Variants in PAPSS1 observed in about 807,000 individuals in gnomAD.
The protein encoded by PAPSS1 is 3'-phosphoadenosine 5'-phosphosulfate synthase 1, also known as bifunctional 3'-phosphoadenosine 5'-phosphosulfate synthase 1.
A neutral mutation model predicts 72.0 loss-of-function variants in PAPSS1; 50 were observed. The observed-to-expected ratio is 0.69, with a 90% CI of 0.55 to 0.88. The LOEUF (loss-of-function observed/expected upper bound fraction) is 0.88, where lower values mean the gene tolerates loss of function less well. Ranked by LOEUF, PAPSS1 falls within the 40% of genes least tolerant of loss-of-function variation. The pLI is 0.00. For missense variants in PAPSS1, 657 were observed against 782.2 expected (o/e 0.84, Z 1.91); for synonymous variants, 261 against 263.6 (o/e 0.99, Z 0.09).
intron 1 of PAPSS1, among the ~76,000 whole-genome samples, chr4:107,710,854 G>A (rs1723474065): frequency 6.6e-6 from 1 of 152,226 alleles, no homozygotes; most frequent in Non-Finnish European, 1.5e-5. Flanking sequence ...TACAATGTCA[G>A]CAGGGCAATT....
At position 107,701,015 on chromosome 4, in the gene PAPSS1, AT is replaced by A. The variant is rs535518683; in HGVS notation, c.175+155del. 3.7e-4 allele frequency among the ~76,000 whole-genome samples: 57 copies of A among 152,300 alleles called. No individual in the cohort carries two copies. The East Asian group carries it at 4.8e-3, about 13-fold the overall frequency. Reference sequence around the variant, plus strand: ...ATCCTATAAAAGAACAAAAAAAAAAATAACAAGAAATATTATTAAGCAACTA... The same window carrying A: ...ATCCTATAAAAGAACAAAAAAAAAAAAACAAGAAATATTATTAAGCAACTA... On this transcript the variant is annotated intron_variant, in intron 2 of 11. Transcript: ENST00000265174.
chr4:107,687,199 A>C (rs779269164), intron 3 of PAPSS1, 22 bp from the exon 4 acceptor site: 2 of 1,534,092 alleles, frequency 1.3e-6, no homozygotes, highest in Non-Finnish European at 1.7e-6. Context: ...ATAAAATAAA[A>C]AGTGATCACA....
intron 11 of PAPSS1, among the ~76,000 whole-genome samples, chr4:107,618,861 G>C (rs1725888706): frequency 6.6e-6 from 1 of 152,092 alleles, no homozygotes; most frequent in African/African-American, 2.4e-5. Context: ...GGTCCAGATA[G>C]CTTTCCAACT....
chr4:107,706,521 A>G (rs1723343861), intron 1 of PAPSS1, among the ~76,000 whole-genome samples: 1 of 152,156 alleles, frequency 6.6e-6, no homozygotes, highest in South Asian at 2.1e-4. Context: ...TGTTTTCCAG[A>G]ATACACTGAA....
At chr4:107,672,424 C>A (rs1034049275) in intron 5 of PAPSS1, among the ~76,000 whole-genome samples, 1 of 152,220 alleles carries the variant, frequency 6.6e-6, no homozygotes, top group African/African-American at 2.4e-5. Context: ...AATTATATCC[C>A]GTGCCAGGCT....
intron 5 of PAPSS1, among the ~76,000 whole-genome samples, chr4:107,665,122 T>C (rs912861375): frequency 1.3e-5 from 2 of 152,196 alleles, no homozygotes; most frequent in East Asian, 1.9e-4. Context: ...AAAAATAGCA[T>C]GAATCAAGAG....
chr4:107,719,804 C>T, intron 1 of PAPSS1: 1 of 1,209,146 alleles, frequency 8.3e-7, no homozygotes, highest in African/African-American at 1.6e-5. Flanking sequence ...TTTCAGCAAG[C>T]GCCAGTTCAC....
At chr4:107,692,197 T>G (rs1046374581) in intron 3 of PAPSS1, among the ~76,000 whole-genome samples, 1 of 152,008 alleles carries the variant, frequency 6.6e-6, no homozygotes, top group Non-Finnish European at 1.5e-5. Flanking sequence ...ACAAATGGGA[T>G]CTAATTAAAC....
At chr4:107,624,519 T>A (rs540499062) in intron 11 of PAPSS1, among the ~76,000 whole-genome samples, 3 of 152,192 alleles carry the variant, frequency 2.0e-5, no homozygotes, top group African/African-American at 7.2e-5. Flanking sequence ...AATAAATGAA[T>A]AATGCAAAGT....
intron 9 of PAPSS1, among the ~76,000 whole-genome samples, chr4:107,647,177 T>C (rs561999113): frequency 6.6e-6 from 1 of 152,262 alleles, no homozygotes; most frequent in East Asian, 1.9e-4. Flanking sequence ...GCAAAGACGT[T>C]CCCTAAGAGA....
At chr4:107,627,852 T>C (rs1349903104) in intron 11 of PAPSS1, among the ~76,000 whole-genome samples, 1 of 152,182 alleles carries the variant, frequency 6.6e-6, no homozygotes, top group Non-Finnish European at 1.5e-5. Context: ...GAAATCGTAC[T>C]AGGTGTACAT....
intron 9 of PAPSS1, among the ~76,000 whole-genome samples, chr4:107,647,335 C>T (rs150764008): frequency 9.9e-5 from 15 of 152,210 alleles, no homozygotes; most frequent in African/African-American, 3.6e-4. Context: ...AAAGAATGGG[C>T]GTCTTCACCT....
Position 107,654,705 on chromosome 4 carries a change from G to A in PAPSS1, c.1091C>T (p.Pro364Leu). Residue 364 changes from proline (P) to leucine (L), a missense_variant, in exon 8 of 12, where the codon CCC becomes CTC. By Grantham distance (98) the Pro-to-Leu change is moderately conservative. Around this residue, in one of 7 missense-constraint regions of PAPSS1, gnomAD observed 190 missense variants for 176.7 expected, o/e 1.07. Transcript: ENST00000265174. Reference protein sequence around the residue: ...RQWGTTCKNHPYIKMVMEQGD... With the variant: ...RQWGTTCKNHLYIKMVMEQGD... ...AGGTTTTTTCAGCACCTTAATATAG[G>A]GGTGGTTCTTGCATGTCGTTCCCCA... 1 of 1,612,268 alleles carries A rather than the reference G, an allele frequency of 6.2e-7. No homozygotes were observed. The highest frequency in any genetic ancestry group is 8.5e-7 in the Non-Finnish European group (1 of 1,179,456).
chr4:107,633,344 A>C (rs1472523745), intron 10 of PAPSS1, among the ~76,000 whole-genome samples: 1 of 152,244 alleles, frequency 6.6e-6, no homozygotes, highest in Non-Finnish European at 1.5e-5. Context: ...CCTGGCACAC[A>C]GTAAATATAC....
chr4:107,656,425 T>G (rs1727012495), intron 7 of PAPSS1, among the ~76,000 whole-genome samples: 1 of 152,148 alleles, frequency 6.6e-6, no homozygotes, highest in African/African-American at 2.4e-5. Context: ...CAACATCAAT[T>G]TCTTTGACAA....
At chr4:107,666,547 GAC>G (rs1383816943) in intron 5 of PAPSS1, among the ~76,000 whole-genome samples, 7 of 152,128 alleles carry the variant, frequency 4.6e-5, no homozygotes, top group African/African-American at 1.4e-4. Context: ...CCCAGAAAAT[GAC>G]AGAGAATTCT....
chr4:107,679,843 C>G (rs1727755943), intron 5 of PAPSS1, among the ~76,000 whole-genome samples: 1 of 151,782 alleles, frequency 6.6e-6, no homozygotes, highest in African/African-American at 2.4e-5. Context: ...AAAAAGTGGA[C>G]AGCATGCATG....
chr4:107,625,412 C>T (rs1456150762), intron 11 of PAPSS1, among the ~76,000 whole-genome samples: 2 of 152,096 alleles, frequency 1.3e-5, no homozygotes, highest in Non-Finnish European at 2.9e-5. Flanking sequence ...AGGGATGCAA[C>T]ATGAGGGAGG....
intron 1 of PAPSS1, among the ~76,000 whole-genome samples, chr4:107,710,044 T>A (rs1220646955): frequency 6.6e-6 from 1 of 152,218 alleles, no homozygotes; most frequent in African/African-American, 2.4e-5. Context: ...ACATGTAATC[T>A]TCTTCTACTT....
Sources: allele counts gnomAD v4.1 joint callset (sites outside exome capture counted in the v4.1 genomes callset), GRCh38; gene constraint gnomAD v4.1.1; regional missense constraint gnomAD v4.1.1; transcripts MANE v1.5; gene names NCBI Gene and HGNC (gene_info 2026-07-23, HGNC 2026-07-21).